Variants in PDE1C observed in about 807,000 individuals in gnomAD.
The protein encoded by PDE1C is dual specificity calcium/calmodulin-dependent 3',5'-cyclic nucleotide phosphodiesterase 1C.
Under a neutral mutation model 93.1 loss-of-function variants are expected in PDE1C, and 62 were observed. The ratio of observed to expected loss-of-function variants is 0.67; its 90% CI spans 0.54 to 0.82. PDE1C has a LOEUF of 0.82. Among genes scored for constraint, PDE1C ranks in the 40% least tolerant of loss-of-function variants. The pLI is 0.00. For synonymous variants in PDE1C, 325 were observed against 310.1 expected, an observed-to-expected ratio of 1.05 and a Z score of -0.50; for missense variants, 742 against 884.6, an observed-to-expected ratio of 0.84 and a Z score of 2.04.
chr7:32,310,639 C>T (rs960658575), intron 1 of PDE1C, among the ~76,000 whole-genome samples: 1 of 152,116 alleles, frequency 6.6e-6, no homozygotes, highest in African/African-American at 2.4e-5. Context: ...GAACAACCTG[C>T]TCCTGAATGA....
intron 2 of PDE1C, among the ~76,000 whole-genome samples, chr7:31,929,173 G>A (rs1178253512): frequency 6.6e-6 from 1 of 151,584 alleles, no homozygotes; most frequent in African/African-American, 2.4e-5. Flanking sequence ...AACCAACAAG[G>A]ATCAAAAAAG....
chr7:31,719,898 A>C, the PDE1C span, among the ~76,000 whole-genome samples: 39 of 152,220 alleles, frequency 2.6e-4, no homozygotes, highest in African/African-American at 9.2e-4. Context: ...TTCAAAGGAA[A>C]TCATACTTAG....
At chr7:32,379,269 G>A (rs1274671412) in intron 1 of PDE1C, among the ~76,000 whole-genome samples, 1 of 152,162 alleles carries the variant, frequency 6.6e-6, no homozygotes, top group Non-Finnish European at 1.5e-5. Context: ...CCTGTTTGAG[G>A]GCAATGCCAC....
chr7:32,123,205 T>C (rs575579732), intron 3 of PDE1C, among the ~76,000 whole-genome samples: 1 of 152,152 alleles, frequency 6.6e-6, no homozygotes, highest in African/African-American at 2.4e-5. Flanking sequence ...AGTTCCAAAA[T>C]TGAGGGAGTC....
At chr7:32,406,788 T>TTGCACAGG (rs1183374956) in intron 1 of PDE1C, among the ~76,000 whole-genome samples, 1 of 152,050 alleles carries the variant, frequency 6.6e-6, no homozygotes, top group Non-Finnish European at 1.5e-5. Context: ...AGAGCAAGGA[T>TTGCACAGG]TGCACAGGGT....
the PDE1C span, among the ~76,000 whole-genome samples, chr7:31,678,943 A>T: frequency 6.6e-6 from 1 of 152,190 alleles, no homozygotes; most frequent in African/African-American, 2.4e-5. Context: ...AAGCAAAAGG[A>T]TACAATTTCT....
At chr7:31,764,489 GCT>G (rs1219972042) in intron 17 of PDE1C, among the ~76,000 whole-genome samples, 10 of 152,262 alleles carry the variant, frequency 6.6e-5, no homozygotes, top group Non-Finnish European at 1.3e-4. Context: ...TACAAAGAGT[GCT>G]GGAAATCCCA....
chr7:31,888,621 T>C lies in PDE1C; in HGVS notation c.129-7761A>G, dbSNP rs983232263. Among the ~76,000 whole-genome samples the C allele has an allele frequency of 2.6e-5, 4 of 151,632 alleles. No homozygotes were observed. In the East Asian group the frequency reaches 5.8e-4, roughly 22 times the overall value. ...GATACATTTAAAAATTTAGATGAAA[T>C]TTTAAAATTCCATAAAATATTAATT... is the stretch of plus-strand genomic sequence containing the variant. On this transcript the variant is annotated intron_variant, in intron 2 of 17. Coordinates refer to ENST00000396191, the MANE Select transcript of PDE1C (RefSeq NM_001191057.4).
chr7:31,643,595 C>G, the PDE1C span: 1 of 1,614,022 alleles, frequency 6.2e-7, no homozygotes, highest in Non-Finnish European at 8.5e-7. Flanking sequence ...GTGTGTGATC[C>G]TGTTACCGCA....
the PDE1C span, among the ~76,000 whole-genome samples, chr7:31,630,437 A>C: frequency 1.3e-5 from 2 of 152,158 alleles, no homozygotes; most frequent in South Asian, 4.1e-4. Flanking sequence ...TTATTAATAC[A>C]TCAGTAGGAT....
chr7:31,619,181 A>ACCTT, the PDE1C span, among the ~76,000 whole-genome samples: 1 of 152,198 alleles, frequency 6.6e-6, no homozygotes, highest in African/African-American at 2.4e-5. Context: ...TTGTAAGTAC[A>ACCTT]GGCAAGGTGT....
At chr7:31,930,453 CA>C (rs1197582142) in intron 2 of PDE1C, among the ~76,000 whole-genome samples, 2 of 152,036 alleles carry the variant, frequency 1.3e-5, no homozygotes, top group Non-Finnish European at 2.9e-5. Context: ...AGAGACACAA[CA>C]AAAAATGAAA....
At chr7:31,645,520 C>T in the PDE1C span, among the ~76,000 whole-genome samples, 2 of 151,778 alleles carry the variant, frequency 1.3e-5, no homozygotes, top group African/African-American at 4.9e-5. Context: ...CTAATGTATG[C>T]TGGGTGGTTC....
At chr7:31,664,240 T>G in the PDE1C span, among the ~76,000 whole-genome samples, 7 of 152,190 alleles carry the variant, frequency 4.6e-5, no homozygotes, top group Admixed American at 1.3e-4. Context: ...CTGAAACCCA[T>G]GTTTTTCTAG....
the PDE1C span, among the ~76,000 whole-genome samples, chr7:31,693,133 TC>T: frequency 6.6e-6 from 1 of 152,042 alleles, no homozygotes; most frequent in Non-Finnish European, 1.5e-5. Flanking sequence ...TGGTTATGAC[TC>T]CCCCCTCCTC....
intron 1 of PDE1C, among the ~76,000 whole-genome samples, chr7:32,370,447 C>CAAA (rs34494376): frequency 8.3e-6 from 1 of 120,240 alleles, no homozygotes; most frequent in Admixed American, 8.4e-5. Context: ...AGACTCCTCT[C>CAAA]AAAAAAAAAA....
chr7:32,409,895 A>G (rs1203230785), intron 1 of PDE1C, among the ~76,000 whole-genome samples: 1 of 151,946 alleles, frequency 6.6e-6, no homozygotes, highest in Non-Finnish European at 1.5e-5. Flanking sequence ...ATTTATATAT[A>G]CACACACAAA....
chr7:32,070,296 C>T lies in PDE1C; in HGVS notation c.98G>A (p.Gly33Glu). Residue 33 changes from glycine to glutamate, a missense_variant, in exon 1 of 18, where the codon GGG becomes GAG. By Grantham distance (98) the Gly-to-Glu change is moderately conservative. Around this residue, in one of 4 missense-constraint regions of PDE1C, gnomAD observed 74 missense variants for 88.2 expected, o/e 0.84. Coordinates refer to ENST00000396191, the MANE Select transcript of PDE1C (RefSeq NM_001191057.4). Reference protein sequence around the residue: ...QIEKIWLRLRGLRKYKKTSQR... With the variant: ...QIEKIWLRLRELRKYKKTSQR... The stretch of plus-strand genomic sequence containing the variant: ...AGAAGTAAATAGGTATACTTACAGC[C>T]CGCGGAGCCGAAGCCAGATTTTCTC... 6.2e-7 allele frequency: 1 copy of T among 1,614,160 alleles called. No homozygotes were observed. Among genetic ancestry groups the T allele is most frequent in the Non-Finnish European group, 8.5e-7 (1 of 1,180,032 alleles).
At chr7:32,346,094 T>C (rs900982471) in intron 1 of PDE1C, among the ~76,000 whole-genome samples, 8 of 152,174 alleles carry the variant, frequency 5.3e-5, no homozygotes, top group African/African-American at 1.4e-4. Flanking sequence ...ATTTGGTAAA[T>C]GGATAAGCAA....
Sources: allele counts gnomAD v4.1 joint callset (sites outside exome capture counted in the v4.1 genomes callset), GRCh38; gene constraint gnomAD v4.1.1; regional missense constraint gnomAD v4.1.1; transcripts MANE v1.5; gene names NCBI Gene and HGNC (gene_info 2026-07-23, HGNC 2026-07-21).